TLN2: variants seen among roughly 807,000 people sequenced by gnomAD.
TLN2 encodes talin-2.
In TLN2, 118 loss-of-function variants were observed where a neutral mutation model predicts 294.7. The ratio of observed to expected loss-of-function variants is 0.40; its 90% CI spans 0.34 to 0.47. The LOEUF is 0.47. Ranked by LOEUF, TLN2 falls within the 20% of genes least tolerant of loss-of-function variation. The pLI is 0.84. For synonymous variants in TLN2, 1,431 were observed against 1,304.5 expected (o/e 1.10, Z -2.09); for missense variants, 3,083 against 3,282.2 (o/e 0.94, Z 1.48).
chr15:62,505,835 C>A (rs902413852), intron 1 of TLN2, among the ~76,000 whole-genome samples: 1 of 152,018 alleles, frequency 6.6e-6, no homozygotes, highest in East Asian at 1.9e-4. Flanking sequence ...TGATGGGGGG[C>A]GGACGGGGAA....
At chr15:62,827,070 C>T (rs1010465713) in intron 54 of TLN2, among the ~76,000 whole-genome samples, 1 of 29,970 alleles carries the variant, frequency 3.3e-5, no homozygotes, top group South Asian at 7.4e-3. Flanking sequence ...AGCATTCCCT[C>T]AAAGTAAGTT....
chr15:62,785,135 C>T (rs1045870772), intron 45 of TLN2, among the ~76,000 whole-genome samples: 1 of 152,148 alleles, frequency 6.6e-6, no homozygotes, highest in Non-Finnish European at 1.5e-5. Flanking sequence ...TAGGCTGTAG[C>T]ATGAATAATT....
At chr15:62,828,940 C>A (rs1287221664) in intron 54 of TLN2, 1 of 152,010 alleles carries the variant, frequency 6.6e-6, no homozygotes, top group Non-Finnish European at 1.5e-5. Context: ...TTTCCTGAGT[C>A]CAGGCCAGCA....
chr15:62,577,479 A>G (rs367700231), intron 1 of TLN2, among the ~76,000 whole-genome samples: 1 of 152,156 alleles, frequency 6.6e-6, no homozygotes, highest in African/African-American at 2.4e-5. Flanking sequence ...AAAACAAAAA[A>G]CACAAACAAA....
intron 1 of TLN2, among the ~76,000 whole-genome samples, chr15:62,486,325 CCACTTCA>C (rs1358703198): frequency 6.6e-6 from 1 of 152,096 alleles, no homozygotes; most frequent in Non-Finnish European, 1.5e-5. Flanking sequence ...CCAAATTTTG[CCACTTCA>C]CACAATAATG....
chr15:62,402,691 A>T (rs187350913), intron 1 of TLN2, among the ~76,000 whole-genome samples: 1 of 152,258 alleles, frequency 6.6e-6, no homozygotes, highest in African/African-American at 2.4e-5. Flanking sequence ...TGACACTTTC[A>T]GGTCCACTAT....
intron 12 of TLN2, 50 bp from the exon 13 acceptor site, chr15:62,692,790 A>G: frequency 6.8e-7 from 1 of 1,470,232 alleles, no homozygotes; most frequent in Non-Finnish European, 9.5e-7. Flanking sequence ...AGCCTTTAAA[A>G]TGCTGATATA....
intron 1 of TLN2, among the ~76,000 whole-genome samples, chr15:62,586,760 ATTC>A (rs1178514529): frequency 2.6e-5 from 4 of 152,222 alleles, no homozygotes; most frequent in East Asian, 3.8e-4. Flanking sequence ...CTTTGTTTTT[ATTC>A]TTCTTCAGAA....
rs547734841 is a variant in TLN2 at position 62,753,625 on chromosome 15, A to G, written c.4333-148A>G. The G allele has an allele frequency of 1.0e-5, 9 of 890,218 alleles. No individual in the cohort carries two copies. The South Asian group carries it at 1.8e-4, about 18-fold the overall frequency. The allele number at this position is 890,218 out of a possible 1,614,324, so 55.1% of individuals were successfully genotyped here. On this transcript the variant is annotated intron_variant, in intron 35 of 58. Coordinates refer to ENST00000636159, the MANE Select transcript of TLN2 (RefSeq NM_015059.3). Reference sequence around the variant, plus strand: ...TAAACCTGTTCATTATTACACCCTTATTGGTGAGCGGGATGAGATGACCTT... The same window carrying G: ...TAAACCTGTTCATTATTACACCCTTGTTGGTGAGCGGGATGAGATGACCTT...
At chr15:62,653,339 A>C in intron 7 of TLN2, 25 bp downstream of exon 7, 2 of 1,598,584 alleles carry the variant, frequency 1.3e-6, no homozygotes, top group African/African-American at 1.3e-5. Context: ...AGGAAGCATG[A>C]TACAGACACA....
At chr15:62,569,791 C>A (rs1250979963) in intron 1 of TLN2, among the ~76,000 whole-genome samples, 1 of 152,172 alleles carries the variant, frequency 6.6e-6, no homozygotes, top group Non-Finnish European at 1.5e-5. Flanking sequence ...GTTTTATAAA[C>A]ACTCCACATA....
chr15:62,691,939 G>A (rs996064195), intron 12 of TLN2, among the ~76,000 whole-genome samples: 7 of 152,284 alleles, frequency 4.6e-5, no homozygotes, highest in African/African-American at 1.7e-4. Context: ...CTCCCAAAGT[G>A]GTGGGATCAC....
intron 3 of TLN2, chr15:62,644,431 T>C (rs1156395894): frequency 1.1e-5 from 5 of 452,728 alleles, no homozygotes; most frequent in African/African-American, 2.0e-5. Flanking sequence ...GTGGTCTTTC[T>C]AGCCCCTCCC....
At chr15:62,446,524 G>T (rs1227895722) in intron 1 of TLN2, among the ~76,000 whole-genome samples, 7 of 152,208 alleles carry the variant, frequency 4.6e-5, no homozygotes, top group Non-Finnish European at 8.8e-5. Context: ...AGGAACATTA[G>T]CTAGTGAGTC....
intron 2 of TLN2, among the ~76,000 whole-genome samples, chr15:62,610,483 A>G (rs1305880727): frequency 2.0e-5 from 3 of 152,228 alleles, no homozygotes; most frequent in Admixed American, 6.5e-5. Context: ...TATTTAACAC[A>G]TGCATTTTCT....
chr15:62,803,611 A>T (rs553932581), intron 50 of TLN2, among the ~76,000 whole-genome samples: 1 of 152,208 alleles, frequency 6.6e-6, no homozygotes, highest in South Asian at 2.1e-4. Context: ...ATTCTTCAGT[A>T]TATTAATTGC....
chr15:62,471,212 C>T (rs1407813918), intron 1 of TLN2, among the ~76,000 whole-genome samples: 2 of 152,164 alleles, frequency 1.3e-5, no homozygotes, highest in African/African-American at 2.4e-5. Flanking sequence ...TGGCGTGTGC[C>T]TGTAGTCCCA....
At chr15:62,504,066 T>C (rs2039451637) in intron 1 of TLN2, among the ~76,000 whole-genome samples, 1 of 152,190 alleles carries the variant, frequency 6.6e-6, no homozygotes, top group Non-Finnish European at 1.5e-5. Context: ...CTGTGTAAAA[T>C]TGTAAATTAT....
At chr15:62,806,981 G>T (rs2141163754) in intron 51 of TLN2, among the ~76,000 whole-genome samples, 1 of 152,268 alleles carries the variant, frequency 6.6e-6, no homozygotes, top group East Asian at 1.9e-4. Flanking sequence ...CGGAATTTGT[G>T]TGCAAGGGCC....
Sources: gnomAD v4.1 joint callset for allele counts (sites outside exome capture counted in the v4.1 genomes callset) on GRCh38, gnomAD v4.1.1 for gene constraint, MANE v1.5 for transcripts, NCBI Gene and HGNC (gene_info 2026-07-23, HGNC 2026-07-21) for gene names.